The following MORN1 variants were observed in gnomAD, a reference collection of about 807,000 sequenced individuals.
The protein encoded by MORN1 is MORN repeat containing 1, also known as MORN repeat-containing protein 1.
In MORN1, 67 loss-of-function variants were observed where a neutral mutation model predicts 61.9. The ratio of observed to expected loss-of-function variants is 1.08; its 90% CI spans 0.89 to 1.33. MORN1 has a LOEUF of 1.33. Ranked by LOEUF, MORN1 falls within the 40% of genes most tolerant of loss-of-function variation. The pLI is 0.00. For synonymous variants in MORN1, 301 were observed against 292.0 expected (o/e 1.03, Z -0.31); for missense variants, 752 against 691.2 (o/e 1.09, Z -0.99).
At chr1:2,382,466 CCA>C (rs1642394846) in intron 6 of MORN1, among the ~76,000 whole-genome samples, 1 of 152,218 alleles carries the variant, frequency 6.6e-6, no homozygotes, top group Non-Finnish European at 1.5e-5. Context: ...AGCCCAAGCT[CCA>C]GAGCTGTGCA....
At chr1:2,328,764 A>G in intron 12 of MORN1, among the ~76,000 whole-genome samples, 1 of 152,212 alleles carries the variant, frequency 6.6e-6, no homozygotes, top group East Asian at 1.9e-4. Flanking sequence ...AGATGGGTGC[A>G]GACGCCAGCC....
intron 12 of MORN1, among the ~76,000 whole-genome samples, chr1:2,325,360 T>C (rs1641004827): frequency 6.7e-6 from 1 of 149,832 alleles, no homozygotes; most frequent in Non-Finnish European, 1.5e-5. Flanking sequence ...CAGGCTAGAG[T>C]GCAGCGGCAT....
rs1243866536 is a variant in MORN1, at chr1:2,372,579, C to T, written c.647G>A (p.Arg216Lys). 1 of 1,613,426 alleles carries T rather than the reference C, an allele frequency of 6.2e-7. No individual in the cohort carries two copies. The highest frequency in any genetic ancestry group is 2.2e-5 in the East Asian group (1 of 44,866). Reference protein sequence around the residue: ...INGHPAEQATRIVILGPEVME... With the variant: ...INGHPAEQATKIVILGPEVME... ...CACCTCCGGACCCAAGATCACGATC[C>T]TCGTAGCTTGTTCTGGGAGAGGACA... The change falls in exon 8 of 14, where the codon AGG (arginine) becomes AAG (lysine). Residue 216 changes from arginine to lysine, a missense_variant. Physicochemically the swap from Arg to Lys is conservative, Grantham distance 26. Transcript: ENST00000378531. The surrounding 1 kb of genome is among the most constrained non-coding windows in gnomAD (Gnocchi z 5.4).
At chr1:2,388,485 A>T (rs1448623309) in intron 2 of MORN1, 148 bp from the exon 3 acceptor site, 3 of 591,620 alleles carry the variant, frequency 5.1e-6, no homozygotes, top group Non-Finnish European at 8.9e-6. Context: ...CATGTATTTA[A>T]AAATAAAAAA....
intron 8 of MORN1, among the ~76,000 whole-genome samples, chr1:2,359,400 G>A (rs1036929779): frequency 6.6e-6 from 1 of 152,236 alleles, no homozygotes; most frequent in African/African-American, 2.4e-5. Context: ...TGTGCCCAAG[G>A]AGTGGACACC....
intron 8 of MORN1, chr1:2,363,325 G>C (rs1641932468): frequency 6.6e-6 from 1 of 152,188 alleles, no homozygotes; most frequent in African/African-American, 2.4e-5. Context: ...GGTAAGTCAA[G>C]ATGTACCTCT....
rs1368548008 is a variant in MORN1, at chr1:2,357,975, G to A, written c.870-377C>T. The stretch of plus-strand genomic sequence containing the variant: ...GGTGGGAAAAGGGAGTGTGAGAGCT[G>A]TGGCGTCACACTCAGGTCTGGTCGC... On this transcript the variant is annotated intron_variant, in intron 9 of 13. Transcript: ENST00000378531. This position sits in a 1 kb window ranked among gnomAD's most constrained non-coding sequence, Gnocchi z 6.3. Among the ~76,000 whole-genome samples the A allele has an allele frequency of 6.6e-6, 1 of 152,224 alleles. No homozygotes were observed. The highest frequency in any genetic ancestry group is 1.9e-4 in the East Asian group (1 of 5,198).
chr1:2,336,224 G>A (rs7552771), intron 12 of MORN1, among the ~76,000 whole-genome samples: 2,575 of 152,310 alleles, frequency 0.017, 72 homozygotes, highest in African/African-American at 0.054. Flanking sequence ...TGTGGTGATC[G>A]AAGCAGATGG....
intron 12 of MORN1, among the ~76,000 whole-genome samples, chr1:2,324,669 G>T (rs995613011): frequency 6.6e-6 from 1 of 152,186 alleles, no homozygotes; most frequent in Non-Finnish European, 1.5e-5. Flanking sequence ...AGGAGAGGTA[G>T]CAGTGAGGAT....
chr1:2,332,708 G>T (rs1459465635), intron 12 of MORN1: 1 of 456,546 alleles, frequency 2.2e-6, no homozygotes, highest in South Asian at 1.5e-5. Context: ...TGTGCCTCGA[G>T]ATTTGGAGCA....
At chr1:2,323,283 C>T (rs916669909) in intron 13 of MORN1, 88 of 985,314 alleles carry the variant, frequency 8.9e-5, no homozygotes, top group Non-Finnish European at 1.0e-4. Flanking sequence ...CAGGGTGGCT[C>T]TGCTTGTTCT....
intron 10 of MORN1, among the ~76,000 whole-genome samples, chr1:2,348,105 C>T (rs952470375): frequency 7.2e-5 from 11 of 152,220 alleles, no homozygotes; most frequent in African/African-American, 2.7e-4. Flanking sequence ...AGCGAGCTCT[C>T]ATTGTGTCTT....
At chr1:2,377,477 C>T (rs1216009872) in intron 6 of MORN1, 3 of 152,400 alleles carry the variant, frequency 2.0e-5, no homozygotes, top group Non-Finnish European at 4.4e-5. Context: ...CACACCTTCC[C>T]TGATAGTCGA....
At chr1:2,369,788 G>A (rs1371995767) in intron 8 of MORN1, among the ~76,000 whole-genome samples, 2 of 152,164 alleles carry the variant, frequency 1.3e-5, no homozygotes, top group African/African-American at 2.4e-5. Context: ...ACAAAGAAGT[G>A]CAAGATGTGT....
At chr1:2,353,953 C>T (rs1228200920) in intron 10 of MORN1, among the ~76,000 whole-genome samples, 3 of 152,164 alleles carry the variant, frequency 2.0e-5, no homozygotes, top group East Asian at 3.9e-4. Flanking sequence ...ATAAATCAGT[C>T]CTAAATGGGA....
In MORN1 at chr1:2,322,532, C is replaced by T. The variant is rs1183626674; in HGVS notation, c.1298-953G>A. 4.1e-6 allele frequency: 4 copies of T among 985,218 alleles called. No individual in the cohort carries two copies. In the South Asian group the frequency reaches 1.4e-4, roughly 35 times the overall value. The allele number at this position is 985,218 out of a possible 1,614,324, so 61.0% of individuals were successfully genotyped here. A position where few individuals can be genotyped will look rare whatever the true frequency, so the allele number is the denominator to read the frequency against. On this transcript the variant is annotated intron_variant, in intron 13 of 13. Transcript: ENST00000378531. ...AGCCTCGGGGGCCGGGAGGAATGTG[C>T]TTGGCCCCGAGTCAGCTCCTTTAGA...
intron 12 of MORN1, chr1:2,332,740 C>T (rs1387569686): frequency 6.6e-6 from 3 of 456,398 alleles, no homozygotes; most frequent in Non-Finnish European, 1.3e-5. Context: ...CCTTTGTTAG[C>T]TCCTGTTGGG....
rs1185079319 is a variant in MORN1, at chr1:2,357,541, G to C, written c.927C>G (p.Pro309=). The part of the protein sequence containing the change: ...VSSPAAGVPG[P]RAAKGGAEAD... ...CTTCTGCCCCTCCCTTGGCAGCTCT[G>C]GGCCCCGGCACCCCAGCTGCGGGGC... is the stretch of plus-strand genomic sequence containing the variant. The change falls in exon 10 of 14, where the codon CCC becomes CCG. Residue 309 remains proline (P), a synonymous_variant. Transcript: ENST00000378531. This position sits in a 1 kb window ranked among gnomAD's most constrained non-coding sequence, Gnocchi z 6.3. 3 of 1,612,484 alleles carry C rather than the reference G, an allele frequency of 1.9e-6. No individual in the cohort carries two copies. Among genetic ancestry groups the C allele is most frequent in the Admixed American group, 1.7e-5 (1 of 59,904 alleles).
chr1:2,391,538 C>A lies in MORN1; in HGVS notation c.-5G>T, dbSNP rs934307056. 3.2e-6 allele frequency: 4 copies of A among 1,249,030 alleles called. No individual in the cohort carries two copies. Among genetic ancestry groups the A allele is most frequent in the African/African-American group, 3.1e-5 (2 of 64,474 alleles). 77.4% of individuals were successfully genotyped at this position (1,249,030 alleles called of 1,614,324 possible). Reference sequence around the variant, plus strand: ...GCCCTCGCCCGCCGCTGCCATCTTGCCGCCGAGGGTTCTCTTAGCGACCAG... The same window carrying A: ...GCCCTCGCCCGCCGCTGCCATCTTGACGCCGAGGGTTCTCTTAGCGACCAG... On this transcript the variant is annotated 5_prime_UTR_variant, in exon 1 of 14. Coordinates refer to ENST00000378531, the MANE Select transcript of MORN1 (RefSeq NM_024848.3).
Sources: gnomAD v4.1 joint callset for allele counts (sites outside exome capture counted in the v4.1 genomes callset) on GRCh38, gnomAD v4.1.1 for gene constraint, Gnocchi (gnomAD v3.1) non-coding constraint, MANE v1.5 for transcripts, NCBI Gene and HGNC (gene_info 2026-07-23, HGNC 2026-07-21) for gene names.